Variants in MX1 observed in about 807,000 individuals in gnomAD.
MX1 encodes MX dynamin like GTPase 1.
Under a neutral mutation model 66.4 loss-of-function variants are expected in MX1, and 66 were observed. The ratio of observed to expected loss-of-function variants is 0.99; its 90% CI spans 0.82 to 1.22. MX1 has a LOEUF of 1.22. MX1 is among the 50% of genes most tolerant of loss of function. The pLI, the probability that MX1 is intolerant of heterozygous loss-of-function variation, is 0.00. For synonymous variants in MX1, 311 were observed against 318.1 expected, an observed-to-expected ratio of 0.98 and a Z score of 0.24; for missense variants, 787 against 834.3, an observed-to-expected ratio of 0.94 and a Z score of 0.70.
intron 12 of MX1, 164 bp from the exon 13 acceptor site, chr21:41,445,836 A>G (rs2090645968): frequency 1.1e-6 from 1 of 940,032 alleles, no homozygotes; most frequent in South Asian, 1.8e-5. Flanking sequence ...AAGGGGTGGG[A>G]TAGGATTTTC....
At chr21:41,431,703 TGACC>T (rs2090217543) in intron 4 of MX1, 1 of 200,586 alleles carries the variant, frequency 5.0e-6, no homozygotes, top group African/African-American at 2.3e-5. Context: ...ATTGAACTCC[TGACC>T]TCATGATCTA....
At chr21:41,429,122 G>C (rs1423520096) in intron 3 of MX1, 1 of 152,272 alleles carries the variant, frequency 6.6e-6, no homozygotes, top group Non-Finnish European at 1.5e-5. Context: ...GCCACCTCTT[G>C]GCTCTTCCAA....
intron 15 of MX1, among the ~76,000 whole-genome samples, chr21:41,451,625 G>A (rs62217502): frequency 0.34 from 52,205 of 151,786 alleles, 9,952 homozygotes; most frequent in African/African-American, 0.51. Flanking sequence ...CTTAAAGCCA[G>A]GAGTTTGAGA....
At chr21:41,433,254 G>A (rs185822373) in intron 5 of MX1, among the ~76,000 whole-genome samples, 1 of 152,344 alleles carries the variant, frequency 6.6e-6, no homozygotes, top group Admixed American at 6.5e-5. Flanking sequence ...TGGACACTCT[G>A]GGGCAGGGCC....
At position 41,445,577 on chromosome 21, in the gene MX1, G is replaced by C; in HGVS notation, c.1131+7G>C. The C allele has an allele frequency of 6.2e-7, 1 of 1,614,144 alleles. No homozygotes were observed. Among genetic ancestry groups the C allele is most frequent in the Non-Finnish European group, 8.5e-7 (1 of 1,180,028 alleles). On this transcript the variant is annotated splice_region_variant and intron_variant, in intron 12 of 16. Transcript: ENST00000398598. Reference sequence around the variant, plus strand: ...AATGTTCTTCCTGATAGATGTGAGTGTTGCCAGCTGCATGGAGCTGGAGAA... The same window carrying C: ...AATGTTCTTCCTGATAGATGTGAGTCTTGCCAGCTGCATGGAGCTGGAGAA...
At chr21:41,447,584 A>C (rs1183109303) in intron 13 of MX1, among the ~76,000 whole-genome samples, 1 of 152,196 alleles carries the variant, frequency 6.6e-6, no homozygotes, top group Non-Finnish European at 1.5e-5. Flanking sequence ...AAACCCAGGC[A>C]GGCAGAAAGC....
At chr21:41,440,852 A>G (rs1372536607) in intron 8 of MX1, 35 bp from the exon 9 acceptor site, 10 of 1,613,856 alleles carry the variant, frequency 6.2e-6, no homozygotes, top group Admixed American at 1.7e-5. Flanking sequence ...TGCCTTTGCC[A>G]TACTCACGAG....
At chr21:41,426,595 C>G (rs927871947) in intron 1 of MX1, 1 of 152,152 alleles carries the variant, frequency 6.6e-6, no homozygotes, top group Non-Finnish European at 1.5e-5. Flanking sequence ...CCGAGGGACT[C>G]TAGTAAGCGG....
rs754725725 is a variant in MX1 at position 41,435,973 on chromosome 21, C to T, written c.242C>T (p.Ser81Leu). The change falls in exon 6 of 17, where the codon TCG (serine) becomes TTG (leucine). Residue 81 changes from serine (S) to leucine (L), a missense_variant. Coordinates refer to ENST00000398598, the MANE Select transcript of MX1 (RefSeq NM_002462.5). ...ATCGCCGTCATCGGGGACCAGAGCT[C>T]GGGCAAGAGCTCCGTGTTGGAGGCA... ...PAIAVIGDQS[S>L]GKSSVLEALS... 8.7e-6 allele frequency: 14 copies of T among 1,614,114 alleles called. No individual in the cohort carries two copies. Among genetic ancestry groups the T allele is most frequent in the East Asian group, 6.7e-5 (3 of 44,900 alleles).
Position 41,435,819 on chromosome 21 carries a change from CA to C in MX1, c.106-17del, listed in dbSNP as rs781443897. On this transcript the variant is annotated splice_polypyrimidine_tract_variant and intron_variant, in intron 5 of 16. Coordinates refer to ENST00000398598, the MANE Select transcript of MX1 (RefSeq NM_002462.5). ...GATTTGCAGGCCATGAAGAATTCTC[CA>C]TTTTTGTTTCCTCCAGGTGGCTGAG... 2.5e-6 allele frequency: 4 copies of C among 1,594,450 alleles called. No individual in the cohort carries two copies. In the Admixed American group the frequency reaches 5.1e-5, roughly 20 times the overall value.
chr21:41,430,204 A>G (rs2090174478), intron 3 of MX1, among the ~76,000 whole-genome samples: 1 of 151,900 alleles, frequency 6.6e-6, no homozygotes, highest in South Asian at 2.1e-4. Context: ...GTTTTGTTTT[A>G]ACAACCTGTC....
At chr21:41,452,104 A>G (rs13050928) in intron 15 of MX1, among the ~76,000 whole-genome samples, 19,743 of 152,108 alleles carry the variant, frequency 0.13, 1,434 homozygotes, top group East Asian at 0.18. Context: ...GACGTGGAGT[A>G]AGATGTTTAG....
rs1266656218 is a variant in MX1 at position 41,445,488 on chromosome 21, A to G, written c.1049A>G (p.His350Arg). The change falls in exon 12 of 17, where the codon CAC (histidine) becomes CGC (arginine). Residue 350 changes from histidine to arginine, a missense_variant. By Grantham distance (29) the His-to-Arg change is conservative. Transcript: ENST00000398598. ...TTAGAAAATCAAATCAAGGAGACTC[A>G]CCAGAGAATAACAGAGGAGCTACAA... The part of the protein sequence containing the change: ...PLLENQIKET[H>R]QRITEELQKY... 6.2e-7 allele frequency: 1 copy of G among 1,614,158 alleles called. No homozygotes were observed. Among genetic ancestry groups the G allele is most frequent in the East Asian group, 2.2e-5 (1 of 44,892 alleles).
At chr21:41,447,081 G>A (rs2090685063) in intron 13 of MX1, among the ~76,000 whole-genome samples, 2 of 152,288 alleles carry the variant, frequency 1.3e-5, no homozygotes, top group Admixed American at 6.5e-5. Context: ...AGACTTGGGG[G>A]GGCTTAAACA....
intron 16 of MX1, among the ~76,000 whole-genome samples, chr21:41,455,544 T>G (rs1413074090): frequency 6.6e-6 from 1 of 152,264 alleles, no homozygotes; most frequent in Admixed American, 6.5e-5. Flanking sequence ...GAAGCAGCCC[T>G]TCTCCGGGTT....
At position 41,452,800 on chromosome 21, in the gene MX1, T is replaced by C; in HGVS notation, c.1689T>C (p.Ala563=). 6.2e-7 allele frequency: 1 copy of C among 1,614,164 alleles called. No homozygotes were observed. Among genetic ancestry groups the C allele is most frequent in the Non-Finnish European group, 8.5e-7 (1 of 1,180,022 alleles). Residue 563 remains alanine, a synonymous_variant, in exon 16 of 17, where the codon GCT becomes GCC. Coordinates refer to ENST00000398598, the MANE Select transcript of MX1 (RefSeq NM_002462.5). Reference sequence around the variant, plus strand: ...AGAAGAAATCCTGGGATTTTGGGGCTTTCCAGTCCAGCTCGGCAACAGACT... The same window carrying C: ...AGAAGAAATCCTGGGATTTTGGGGCCTTCCAGTCCAGCTCGGCAACAGACT... ...EKKKKSWDFG[A]FQSSSATDSS...
chr21:41,458,755 T>G lies in MX1; in HGVS notation c.1986T>G (p.Gly662=). Residue 662 remains glycine, a synonymous_variant, in exon 17 of 17, where the codon GGT becomes GGG. Coordinates refer to ENST00000398598, the MANE Select transcript of MX1 (RefSeq NM_002462.5). The part of the protein sequence containing the change: ...QARRRLAQFP[G] ...GGCGCCGGCTTGCCCAGTTCCCCGG[T>G]TAACCACACTCTGTCCAGCCCCGTA... 1.2e-6 allele frequency: 2 copies of G among 1,611,240 alleles called. No homozygotes were observed. Among genetic ancestry groups the G allele is most frequent in the Non-Finnish European group, 1.7e-6 (2 of 1,179,774 alleles).
At chr21:41,424,748 A>G (rs968442735), upstream of MX1, among the ~76,000 whole-genome samples, 6 of 152,326 alleles carry the variant, frequency 3.9e-5, no homozygotes, top group African/African-American at 7.2e-5. Context: ...ACTCTAGCCA[A>G]GGAAGACAAA....
intron 11 of MX1, among the ~76,000 whole-genome samples, chr21:41,445,212 T>C (rs1206220179): frequency 6.6e-6 from 1 of 152,078 alleles, no homozygotes; most frequent in Non-Finnish European, 1.5e-5. Flanking sequence ...GGTGCCACAG[T>C]GCTGCTCATG....
Sources: gnomAD v4.1 joint callset for allele counts (sites outside exome capture counted in the v4.1 genomes callset) on GRCh38, gnomAD v4.1.1 for gene constraint, MANE v1.5 for transcripts, NCBI Gene and HGNC (gene_info 2026-07-23, HGNC 2026-07-21) for gene names.